The following CBL variants were observed in gnomAD, a reference collection of about 807,000 sequenced individuals.
CBL encodes the protein Cbl proto-oncogene.
Under a neutral mutation model 96.9 loss-of-function variants are expected in CBL, and 45 were observed. That is an observed-to-expected ratio of 0.46 (90% CI 0.37 to 0.60). The LOEUF is 0.60. Among genes scored for constraint, CBL ranks in the 20% least tolerant of loss-of-function variants. The probability of loss-of-function intolerance (pLI) is 0.00; values close to 1 mark genes in which losing one functional copy is unlikely to be tolerated. For missense variants in CBL, 1,024 were observed against 1,143.5 expected (o/e 0.90, Z 1.51); for synonymous variants, 420 against 426.8 (o/e 0.98, Z 0.20).
In CBL at chr11:119,306,132, G is replaced by T; in HGVS notation, c.*6351G>T. The T allele has an allele frequency of 2.5e-6, 1 of 397,034 alleles. No homozygotes were observed. The highest frequency in any genetic ancestry group is 1.4e-4 in the South Asian group (1 of 7,054). 24.6% of individuals were successfully genotyped at this position (397,034 alleles called of 1,614,324 possible). A position where few individuals can be genotyped will look rare whatever the true frequency, so the allele number is the denominator to read the frequency against. On this transcript the variant is annotated 3_prime_UTR_variant, in exon 16 of 16. Transcript: ENST00000264033. The stretch of plus-strand genomic sequence containing the variant: ...GGAGATGGGGAAATAGGGATGGGGA[G>T]AGCAAGCCCCGCATGTCCATGGCGA...
chr11:119,298,851 C>T (rs988056142), intron 15 of CBL, among the ~76,000 whole-genome samples: 2 of 152,194 alleles, frequency 1.3e-5, no homozygotes, highest in Non-Finnish European at 2.9e-5. Context: ...AGCACACATT[C>T]CTTTTTCCTG....
Position 119,279,723 on chromosome 11 carries a change from C to A in CBL, c.1431+1010C>A, listed in dbSNP as rs189654336. ...GTAAAAAAATTTTTTTAAGCATATACGTAGAAAAACTGGATGACTACATAC... is the reference window on the plus strand; with the variant it reads ...GTAAAAAAATTTTTTTAAGCATATAAGTAGAAAAACTGGATGACTACATAC... On this transcript the variant is annotated intron_variant, in intron 9 of 15. Coordinates refer to ENST00000264033, the MANE Select transcript of CBL (RefSeq NM_005188.4). Among the ~76,000 whole-genome samples the A allele has an allele frequency of 1.7e-3, 266 of 152,210 alleles. 2 individuals are homozygous for A. The highest frequency in any genetic ancestry group is 2.9e-3 in the Admixed American group (44 of 15,292).
chr11:119,279,624 G>C (rs925450996), intron 9 of CBL, among the ~76,000 whole-genome samples: 1 of 152,098 alleles, frequency 6.6e-6, no homozygotes, highest in African/African-American at 2.4e-5. Flanking sequence ...TGCACTCTAG[G>C]TTGGGTGACA....
chr11:119,210,018 A>G (rs1949304133), intron 1 of CBL, among the ~76,000 whole-genome samples: 2 of 152,230 alleles, frequency 1.3e-5, no homozygotes, highest in African/African-American at 4.8e-5. Context: ...AGTGGCTTGT[A>G]AGCCAAAAGA....
intron 2 of CBL, among the ~76,000 whole-genome samples, chr11:119,264,879 CATTATT>C (rs889941206): frequency 1.3e-5 from 2 of 152,102 alleles, no homozygotes; most frequent in East Asian, 1.9e-4. Flanking sequence ...CTTTGTTTTT[CATTATT>C]ATTATTTTTT....
At position 119,269,263 on chromosome 11, in the gene CBL, T is replaced by C. The variant is rs1170790137; in HGVS notation, c.444-2472T>C. Among the ~76,000 whole-genome samples, 4 of 150,926 alleles carry C rather than the reference T, an allele frequency of 2.7e-5. No individual in the cohort carries two copies. In the South Asian group the frequency reaches 8.5e-4, roughly 32 times the overall value. Reference sequence around the variant, plus strand: ...GATAAGTGCTTTTTTTTTTTTTTTTTTTGGACCGAGTCTCACTCTGTCGTC... The same window carrying C: ...GATAAGTGCTTTTTTTTTTTTTTTTCTTGGACCGAGTCTCACTCTGTCGTC... On this transcript the variant is annotated intron_variant, in intron 2 of 15. Transcript: ENST00000264033.
intron 2 of CBL, among the ~76,000 whole-genome samples, chr11:119,241,457 T>A (rs1350131490): frequency 6.6e-6 from 1 of 152,246 alleles, no homozygotes; most frequent in East Asian, 1.9e-4. Context: ...ATTTTGTCTA[T>A]GGTAGGCACT....
rs1027145036 is a variant in CBL at position 119,306,021 on chromosome 11, G to A, written c.*6240G>A. 5 of 355,262 alleles carry A rather than the reference G, an allele frequency of 1.4e-5. No individual in the cohort carries two copies. The highest frequency in any genetic ancestry group is 1.0e-4 in the African/African-American group (5 of 47,948). 22.0% of individuals were successfully genotyped at this position (355,262 alleles called of 1,614,324 possible). A position where few individuals can be genotyped will look rare whatever the true frequency, so the allele number is the denominator to read the frequency against. On this transcript the variant is annotated 3_prime_UTR_variant, in exon 16 of 16. Transcript: ENST00000264033. ...AGCAGCAGAGGGACAGCAGTGCCAT[G>A]TGCCTTCACTGTGTCCCAGGAAATC...
intron 5 of CBL, 93 bp downstream of exon 5, chr11:119,275,046 C>A: frequency 1.5e-6 from 2 of 1,348,676 alleles, no homozygotes; most frequent in South Asian, 1.2e-5. Context: ...TAATTAGTTT[C>A]GCAATAGCCA....
intron 2 of CBL, among the ~76,000 whole-genome samples, chr11:119,240,903 T>C (rs540506199): frequency 3.1e-4 from 47 of 152,138 alleles, no homozygotes; most frequent in African/African-American, 1.1e-3. Context: ...TGAAACCCCG[T>C]CTCTACTAAA....
chr11:119,236,595 G>GTATATATATATATATA (rs71048051), intron 2 of CBL, among the ~76,000 whole-genome samples: 37 of 137,758 alleles, frequency 2.7e-4, no homozygotes, highest in Admixed American at 1.4e-3. Flanking sequence ...CTTCTTTTGA[G>GTATATATATATATATA]TATATATATA....
rs1388100874 is a variant in CBL at position 119,307,956 on chromosome 11, A to G, written c.*8175A>G. Reference sequence around the variant, plus strand: ...GGTAAATATTCTTACAGAGAATAGCAGAGCTTTAAGATTCATTTTCATTTT... The same window carrying G: ...GGTAAATATTCTTACAGAGAATAGCGGAGCTTTAAGATTCATTTTCATTTT... On this transcript the variant is annotated 3_prime_UTR_variant, in exon 16 of 16. Transcript: ENST00000264033. The G allele has an allele frequency of 5.1e-6, 1 of 195,922 alleles. No homozygotes were observed. The highest frequency in any genetic ancestry group is 1.1e-5 in the Non-Finnish European group (1 of 94,030). The allele number at this position is 195,922 out of a possible 1,614,324, so 12.1% of individuals were successfully genotyped here.
intron 1 of CBL, among the ~76,000 whole-genome samples, chr11:119,224,474 G>A (rs1242132772): frequency 6.6e-6 from 1 of 152,062 alleles, no homozygotes; most frequent in Admixed American, 6.5e-5. Context: ...GCCTACTGTT[G>A]ACCAGAAGCC....
At chr11:119,272,206 C>T (rs1949854586) in intron 3 of CBL, among the ~76,000 whole-genome samples, 1 of 152,182 alleles carries the variant, frequency 6.6e-6, no homozygotes, top group African/African-American at 2.4e-5. Context: ...ACTGCAAGCT[C>T]TGCCTCCTGG....
chr11:119,279,318 A>G (rs527765800), intron 9 of CBL, among the ~76,000 whole-genome samples: 1 of 152,062 alleles, frequency 6.6e-6, no homozygotes, highest in South Asian at 2.1e-4. Context: ...TTGGCAATAT[A>G]GTGAGACCCT....
Position 119,284,896 on chromosome 11 carries a change from A to G in CBL, c.1432-73A>G, listed in dbSNP as rs186654983. The stretch of plus-strand genomic sequence containing the variant: ...AGTGTTCCCATGGTATTTGCCATCC[A>G]CAGCTTTAGGAGAGTTGAAAGATGC... On this transcript the variant is annotated intron_variant, in intron 9 of 15. Transcript: ENST00000264033. 16 of 1,576,156 alleles carry G rather than the reference A, an allele frequency of 1.0e-5. No individual in the cohort carries two copies. The Admixed American group carries it at 2.7e-4, about 26-fold the overall frequency.
At chr11:119,239,924 A>G (rs1949572366) in intron 2 of CBL, among the ~76,000 whole-genome samples, 1 of 152,156 alleles carries the variant, frequency 6.6e-6, no homozygotes, top group African/African-American at 2.4e-5. Context: ...AATCTTGAAA[A>G]GAAAACTAGT....
At chr11:119,230,221 G>A (rs912505070) in intron 1 of CBL, among the ~76,000 whole-genome samples, 3 of 151,070 alleles carry the variant, frequency 2.0e-5, no homozygotes, top group Admixed American at 1.3e-4. Context: ...GCGCGATCTC[G>A]GCTCACTGCA....
chr11:119,273,864 C>T lies in CBL; in HGVS notation c.591-4C>T, dbSNP rs1281875426. The T allele has an allele frequency of 1.9e-6, 3 of 1,613,538 alleles. No individual in the cohort carries two copies. The African/African-American group carries it at 4.0e-5, about 22-fold the overall frequency. On this transcript the variant is annotated splice_polypyrimidine_tract_variant and splice_region_variant and intron_variant, in intron 3 of 15. Transcript: ENST00000264033. ...TTTATGCCTCCTCTCCACCCCCTCC[C>T]CAGGACAATAGTCCCTTGGAAGAGC...
Sources: gnomAD v4.1 joint callset for allele counts (sites outside exome capture counted in the v4.1 genomes callset) on GRCh38, gnomAD v4.1.1 for gene constraint, MANE v1.5 for transcripts, NCBI Gene and HGNC (gene_info 2026-07-23, HGNC 2026-07-21) for gene names.